The following YAP1 variants were observed in gnomAD, a reference collection of about 807,000 sequenced individuals.
YAP1 encodes transcriptional coactivator YAP1.
Under a neutral mutation model 56.9 loss-of-function variants are expected in YAP1, and 5 were observed. The observed-to-expected ratio is 0.09, with a 90% CI of 0.05 to 0.18. The LOEUF (loss-of-function observed/expected upper bound fraction) is 0.18. YAP1 is among the 10% of genes least tolerant of loss of function. The probability of loss-of-function intolerance (pLI) is 1.00; values close to 1 mark genes in which losing one functional copy is unlikely to be tolerated. For synonymous variants in YAP1, 265 were observed against 248.1 expected (o/e 1.07, Z -0.64); for missense variants, 539 against 651.8 (o/e 0.83, Z 1.88).
intron 5 of YAP1, among the ~76,000 whole-genome samples, chr11:102,208,466 A>G (rs141530942): frequency 4.6e-5 from 7 of 152,308 alleles, no homozygotes; most frequent in Admixed American, 2.0e-4. Context: ...CTATAAAGTG[A>G]TCTTGAAAGA....
intron 3 of YAP1, among the ~76,000 whole-genome samples, chr11:102,165,711 A>G (rs1412099008): frequency 6.6e-6 from 1 of 152,184 alleles, no homozygotes; most frequent in Non-Finnish European, 1.5e-5. Flanking sequence ...GTGAAGGTCC[A>G]TTTTGCACTG....
intron 8 of YAP1, among the ~76,000 whole-genome samples, chr11:102,228,042 C>T (rs1950278160): frequency 1.4e-5 from 2 of 142,102 alleles, no homozygotes; most frequent in African/African-American, 5.3e-5. Context: ...AGAATGAGAC[C>T]TCTTCTCAAA....
chr11:102,227,279 G>A (rs1950238997), intron 7 of YAP1, among the ~76,000 whole-genome samples, 190 bp from the exon 8 acceptor site: 1 of 152,174 alleles, frequency 6.6e-6, no homozygotes. Context: ...GGATTAACTT[G>A]TCTATTTCAC....
At chr11:102,225,257 G>C (rs1211481033) in intron 7 of YAP1, among the ~76,000 whole-genome samples, 2 of 151,900 alleles carry the variant, frequency 1.3e-5, no homozygotes, top group African/African-American at 4.8e-5. Context: ...GCCAAGGCAA[G>C]TGGACCACCA....
intron 4 of YAP1, among the ~76,000 whole-genome samples, chr11:102,197,694 A>T (rs1191835599): frequency 6.6e-6 from 1 of 152,338 alleles, no homozygotes; most frequent in South Asian, 2.1e-4. Flanking sequence ...AAAATATTGC[A>T]TAATTTTTAA....
At chr11:102,196,039 C>T (rs1948555444) in intron 4 of YAP1, among the ~76,000 whole-genome samples, 1 of 152,130 alleles carries the variant, frequency 6.6e-6, no homozygotes. Flanking sequence ...GAAAAGATAA[C>T]AAATGTTGTC....
chr11:102,220,875 A>G (rs918346713), intron 6 of YAP1, among the ~76,000 whole-genome samples: 2 of 152,234 alleles, frequency 1.3e-5, no homozygotes, highest in Admixed American at 6.5e-5. Context: ...GCATTTCAAC[A>G]ATGGGTTATT....
At chr11:102,134,578 T>TA (rs1944562323) in intron 2 of YAP1, among the ~76,000 whole-genome samples, 1 of 151,044 alleles carries the variant, frequency 6.6e-6, no homozygotes, top group African/African-American at 2.4e-5. Flanking sequence ...TTGATGGAAA[T>TA]ACGCTTCCAG....
In YAP1 at chr11:102,164,386, T is replaced by C. The variant is rs556042511; in HGVS notation, c.688+1815T>C. On this transcript the variant is annotated intron_variant, in intron 3 of 8. Transcript: ENST00000282441. ...TTGTACAAATATTAATATTTTTACTTGGCAACTATTATGTTTTTTTATTAC... is the reference window on the plus strand; with the variant it reads ...TTGTACAAATATTAATATTTTTACTCGGCAACTATTATGTTTTTTTATTAC... Among the ~76,000 whole-genome samples the C allele has an allele frequency of 1.2e-4, 18 of 152,346 alleles. 1 individual carries two copies. Among genetic ancestry groups the C allele is most frequent in the African/African-American group, 4.3e-4 (18 of 41,586 alleles).
At chr11:102,222,969 G>A (rs1050831124) in intron 6 of YAP1, among the ~76,000 whole-genome samples, 5 of 151,822 alleles carry the variant, frequency 3.3e-5, no homozygotes, top group South Asian at 2.1e-4. Context: ...TTAGGGCCGG[G>A]CGCGGTGGCT....
chr11:102,119,353 TAAGA>T (rs986524125), intron 2 of YAP1, among the ~76,000 whole-genome samples: 3 of 152,110 alleles, frequency 2.0e-5, no homozygotes, highest in Admixed American at 6.5e-5. Context: ...TAGTGTGAAC[TAAGA>T]AAGAAGTTCA....
Position 102,144,871 on chromosome 11 carries a change from CACACACAT to C in YAP1, c.573-17577_573-17570del, listed in dbSNP as rs56302510. 8.3e-3 allele frequency among the ~76,000 whole-genome samples: 846 copies of C among 101,774 alleles called. 3 individuals carry two copies. The highest frequency in any genetic ancestry group is 0.011 in the Non-Finnish European group (428 of 40,146). The allele number at this position is 101,774 out of a possible 152,430, so 66.8% of individuals were successfully genotyped here. A position where few individuals can be genotyped will look rare whatever the true frequency, so the allele number is the denominator to read the frequency against. On this transcript the variant is annotated intron_variant, in intron 2 of 8. Transcript: ENST00000282441. ...TTTGGCCAAAACACACACACACACA[CACACACAT>C]ACACACACTCATGCTCACACACTCA...
intron 3 of YAP1, among the ~76,000 whole-genome samples, chr11:102,170,310 T>A (rs547273312): frequency 6.6e-6 from 1 of 152,352 alleles, no homozygotes; most frequent in African/African-American, 2.4e-5. Flanking sequence ...ATTACTTTGT[T>A]TTTCAGTAGC....
At chr11:102,223,817 G>A in intron 7 of YAP1, 65 bp downstream of exon 7, 1 of 1,593,080 alleles carries the variant, frequency 6.3e-7, no homozygotes, top group Non-Finnish European at 8.6e-7. Flanking sequence ...ATTCTGCTTA[G>A]TGCTTGTAAT....
intron 2 of YAP1, among the ~76,000 whole-genome samples, chr11:102,156,389 A>C (rs911029600): frequency 1.3e-5 from 2 of 152,238 alleles, no homozygotes; most frequent in Non-Finnish European, 2.9e-5. Context: ...GGTGCTAATA[A>C]GTCTGCCCTG....
chr11:102,124,628 TTCTTA>T (rs1421551136), intron 2 of YAP1, among the ~76,000 whole-genome samples: 14 of 152,366 alleles, frequency 9.2e-5, no homozygotes, highest in Admixed American at 8.5e-4. Flanking sequence ...TGTTTTAATT[TTCTTA>T]TCTTATCCCA....
chr11:102,177,301 G>A (rs1403747505), intron 3 of YAP1, among the ~76,000 whole-genome samples: 1 of 152,168 alleles, frequency 6.6e-6, no homozygotes, highest in Non-Finnish European at 1.5e-5. Context: ...CCTTTAGGGA[G>A]CTGAGCCTTG....
intron 8 of YAP1, among the ~76,000 whole-genome samples, chr11:102,229,196 C>T (rs1950347036): frequency 6.6e-6 from 1 of 152,192 alleles, no homozygotes; most frequent in African/African-American, 2.4e-5. Flanking sequence ...TCAAAGCCCT[C>T]TGGGAAGGCT....
In YAP1 at chr11:102,229,747, T is replaced by G. The variant is rs1950371680; in HGVS notation, c.1322T>G (p.Phe441Cys). The change falls in exon 9 of 9, where the codon TTC becomes TGC. Residue 441 changes from phenylalanine to cysteine, a missense_variant. Transcript: ENST00000282441. The stretch of plus-strand genomic sequence containing the variant: ...ACCCTGCCCTCACAGCAGAACCGTT[T>G]CCCAGACTACCTTGAAGCCATTCCT... ...QSTLPSQQNR[F>C]PDYLEAIPGT... 1 of 1,614,066 alleles carries G rather than the reference T, an allele frequency of 6.2e-7. No individual in the cohort carries two copies. The highest frequency in any genetic ancestry group is 1.3e-5 in the African/African-American group (1 of 74,950).
Sources: gnomAD v4.1 joint callset for allele counts (sites outside exome capture counted in the v4.1 genomes callset) on GRCh38, gnomAD v4.1.1 for gene constraint, MANE v1.5 for transcripts, NCBI Gene and HGNC (gene_info 2026-07-23, HGNC 2026-07-21) for gene names.